MROH9: variants seen among roughly 807,000 people sequenced by gnomAD.
The protein encoded by MROH9 is maestro heat like repeat family member 9.
MROH9 carries 92 observed loss-of-function variants against 98.2 expected under a neutral mutation model. The ratio of observed to expected loss-of-function variants is 0.94; its 90% CI spans 0.79 to 1.11. The LOEUF (loss-of-function observed/expected upper bound fraction) is 1.11, where lower values mean the gene tolerates loss of function less well. MROH9 is among the 50% of genes most tolerant of loss of function. MROH9 has a pLI of 0.00. For synonymous variants in MROH9, 397 were observed against 368.9 expected (o/e 1.08, Z -0.87); for missense variants, 1,057 against 1,014.8 (o/e 1.04, Z -0.57).
chr1:170,945,069 T>A (rs1332260102), intron 1 of MROH9, among the ~76,000 whole-genome samples: 1 of 151,884 alleles, frequency 6.6e-6, no homozygotes, highest in Non-Finnish European at 1.5e-5. Context: ...AGTCAGAGAT[T>A]GGTAGTGTGA....
intron 20 of MROH9, among the ~76,000 whole-genome samples, chr1:171,032,446 T>G (rs1571154524): frequency 6.6e-6 from 1 of 152,206 alleles, no homozygotes; most frequent in African/African-American, 2.4e-5. Flanking sequence ...CTCTGACCCT[T>G]GGATGGGGTT....
chr1:170,950,191 TTACCCTAA>T (rs1175782332), intron 3 of MROH9, among the ~76,000 whole-genome samples: 1 of 152,032 alleles, frequency 6.6e-6, no homozygotes, highest in East Asian at 1.9e-4. Flanking sequence ...TATACTGTGT[TTACCCTAA>T]AACCAAAATC....
intron 2 of MROH9, among the ~76,000 whole-genome samples, chr1:170,946,603 G>A (rs1331850745): frequency 6.6e-6 from 1 of 152,002 alleles, no homozygotes; most frequent in Non-Finnish European, 1.5e-5. Context: ...GAGGGAACTG[G>A]TTGAAGGATA....
At chr1:171,006,532 C>G (rs1326127520) in intron 15 of MROH9, among the ~76,000 whole-genome samples, 1 of 152,052 alleles carries the variant, frequency 6.6e-6, no homozygotes, top group Non-Finnish European at 1.5e-5. Context: ...TTCTGGAACT[C>G]CTATAGGAGA....
intron 9 of MROH9, 27 bp from the exon 10 acceptor site, chr1:170,986,534 G>A (rs1317484381): frequency 3.1e-6 from 5 of 1,606,280 alleles, no homozygotes; most frequent in Non-Finnish European, 4.3e-6. Context: ...TAAGGCCTGA[G>A]GTCATGATTA....
At chr1:170,945,606 A>T in intron 2 of MROH9, 25 bp downstream of exon 2, 2 of 1,606,662 alleles carry the variant, frequency 1.2e-6, no homozygotes, top group East Asian at 2.2e-5. Context: ...CACAATAGAG[A>T]TGGGAGAAGG....
Position 170,979,080 on chromosome 1 carries a change from T to A in MROH9, c.617-4342T>A, listed in dbSNP as rs554473150. Among the ~76,000 whole-genome samples the A allele has an allele frequency of 2.0e-5, 3 of 152,326 alleles. No individual in the cohort carries two copies. In the South Asian group the frequency reaches 6.2e-4, roughly 32 times the overall value. On this transcript the variant is annotated intron_variant, in intron 8 of 21. Transcript: ENST00000367759. ...ATGTCTTTAATTAAGATATGTATAT[T>A]TTTATACATAATGCTATTGCATACT...
chr1:170,939,609 A>G (rs1649038276), intron 1 of MROH9, among the ~76,000 whole-genome samples: 2 of 152,108 alleles, frequency 1.3e-5, no homozygotes, highest in African/African-American at 4.8e-5. Flanking sequence ...TCTTTATGTA[A>G]TTTACTTGTG....
intron 12 of MROH9, among the ~76,000 whole-genome samples, chr1:170,993,421 A>G (rs893473590): frequency 6.6e-6 from 1 of 152,168 alleles, no homozygotes; most frequent in Non-Finnish European, 1.5e-5. Context: ...TAAGCCAGAA[A>G]AGTTACTGAC....
intron 5 of MROH9, among the ~76,000 whole-genome samples, chr1:170,960,776 C>A (rs900648128): frequency 6.6e-5 from 10 of 152,128 alleles, no homozygotes; most frequent in Admixed American, 1.3e-4. Context: ...ACATGCACCA[C>A]CATACCTGGC....
intron 5 of MROH9, among the ~76,000 whole-genome samples, chr1:170,960,621 G>T (rs1366653699): frequency 1.3e-5 from 2 of 151,950 alleles, no homozygotes; most frequent in African/African-American, 2.4e-5. Context: ...TTCAATATTT[G>T]GTTTCGTTTT....
In MROH9 at chr1:171,023,988, G is replaced by T. The variant is rs190400619; in HGVS notation, c.1909-407G>T. The stretch of plus-strand genomic sequence containing the variant: ...CAACCTTTTAATATTCCACATATAA[G>T]TGAGATCATGCAATATTTGTCTTTC... On this transcript the variant is annotated intron_variant, in intron 17 of 21. Coordinates refer to ENST00000367759, the MANE Select transcript of MROH9 (RefSeq NM_001163629.2). Among the ~76,000 whole-genome samples, 505 of 152,224 alleles carry T rather than the reference G, an allele frequency of 3.3e-3. 10 individuals carry two copies. The highest frequency in any genetic ancestry group is 0.023 in the Admixed American group (359 of 15,296).
chr1:170,986,077 A>G (rs1444894868), intron 9 of MROH9, among the ~76,000 whole-genome samples: 1 of 152,190 alleles, frequency 6.6e-6, no homozygotes, highest in Admixed American at 6.5e-5. Context: ...TAACTTTAAA[A>G]AGGGATTATT....
intron 20 of MROH9, among the ~76,000 whole-genome samples, chr1:171,043,581 A>G (rs1328787628): frequency 6.6e-6 from 1 of 151,766 alleles, no homozygotes; most frequent in African/African-American, 2.4e-5. Flanking sequence ...TAGTATGGAC[A>G]TTTTAACAAA....
chr1:171,014,140 CCCTTT>C lies in MROH9; in HGVS notation c.1621_1625del (p.Pro541ThrfsTer14). 6.4e-7 allele frequency: 1 copy of C among 1,550,808 alleles called. No homozygotes were observed. Among genetic ancestry groups the C allele is most frequent in the Non-Finnish European group, 8.7e-7 (1 of 1,146,580 alleles). ...AGCTTCTGAATAACTTCTTCAAGGACCCTTTACCAGAAGAATTTTTGGTCCTCTTC... is the reference window on the plus strand; with the variant it reads ...AGCTTCTGAATAACTTCTTCAAGGACACCAGAAGAATTTTTGGTCCTCTTC... On this transcript the variant is annotated frameshift_variant, in exon 16 of 22. Transcript: ENST00000367759. LOFTEE classifies it high-confidence loss of function.
At chr1:170,970,727 TGTGTGAGAGAGA>T (rs1228636123) in intron 7 of MROH9, among the ~76,000 whole-genome samples, 80 of 124,448 alleles carry the variant, frequency 6.4e-4, no homozygotes, top group Middle Eastern at 4.2e-3. Flanking sequence ...TGTGTGTGTG[TGTGTGAGAGAGA>T]GAGAGAGAGA....
chr1:170,960,547 A>T (rs1649979243), intron 5 of MROH9, among the ~76,000 whole-genome samples: 1 of 152,212 alleles, frequency 6.6e-6, no homozygotes, highest in African/African-American at 2.4e-5. Flanking sequence ...TACAATTTCT[A>T]GTACCTACAT....
chr1:170,976,254 A>G (rs1650682204), intron 8 of MROH9, among the ~76,000 whole-genome samples: 1 of 152,114 alleles, frequency 6.6e-6, no homozygotes, highest in African/African-American at 2.4e-5. Flanking sequence ...TGGTCTGTGT[A>G]CTTCAGTGTA....
chr1:170,999,711 T>G (rs1286924902), intron 15 of MROH9, among the ~76,000 whole-genome samples: 2 of 152,130 alleles, frequency 1.3e-5, no homozygotes, highest in East Asian at 3.9e-4. Context: ...GATTGCTGGA[T>G]CAAATAAATG....
Sources: allele counts gnomAD v4.1 joint callset (sites outside exome capture counted in the v4.1 genomes callset), GRCh38; gene constraint gnomAD v4.1.1; transcripts MANE v1.5; gene names NCBI Gene and HGNC (gene_info 2026-07-23, HGNC 2026-07-21).